Variants in ITGA11 observed in about 807,000 individuals in gnomAD.
ITGA11 encodes integrin alpha-11.
ITGA11 carries 97 observed loss-of-function variants against 141.9 expected under a neutral mutation model. The observed-to-expected ratio is 0.68, with a 90% CI of 0.58 to 0.81. The LOEUF (loss-of-function observed/expected upper bound fraction) is 0.81, where lower values mean the gene tolerates loss of function less well. ITGA11 is among the 30% of genes least tolerant of loss of function. The pLI is 0.00. For synonymous variants in ITGA11, 658 were observed against 624.6 expected (o/e 1.05, Z -0.80); for missense variants, 1,387 against 1,559.2 (o/e 0.89, Z 1.86).
In ITGA11 at chr15:68,328,505, C is replaced by A. The variant is rs1394261590; in HGVS notation, c.1902-243G>T. ...ATGGCCCCTCCATGCAGCCCCTCAG[C>A]ACTTTCCCCGAGGGGCTGTGCTCGC... On this transcript the variant is annotated intron_variant, in intron 15 of 29. Coordinates refer to ENST00000315757, the MANE Select transcript of ITGA11 (RefSeq NM_001004439.2). This position sits in a 1 kb window ranked among gnomAD's most constrained non-coding sequence, Gnocchi z 4.8. Among the ~76,000 whole-genome samples the A allele has an allele frequency of 1.3e-5, 2 of 152,188 alleles. No homozygotes were observed. The highest frequency in any genetic ancestry group is 2.9e-5 in the Non-Finnish European group (2 of 68,022).
chr15:68,364,399 C>T (rs1895348744), intron 4 of ITGA11, among the ~76,000 whole-genome samples: 2 of 152,222 alleles, frequency 1.3e-5, no homozygotes, highest in Admixed American at 1.3e-4. Context: ...TGGCTATCTA[C>T]ATTTATTCTT....
chr15:68,359,986 C>G (rs1298276069), intron 5 of ITGA11, among the ~76,000 whole-genome samples: 1 of 152,214 alleles, frequency 6.6e-6, no homozygotes, highest in Non-Finnish European at 1.5e-5. Context: ...GCTGAGCAGA[C>G]AGAGGAAGGT....
At chr15:68,310,017 G>A (rs1893329096) in intron 26 of ITGA11, among the ~76,000 whole-genome samples, 1 of 152,170 alleles carries the variant, frequency 6.6e-6, no homozygotes, top group African/African-American at 2.4e-5. Context: ...ACTGGAAGGT[G>A]GACGCCTAAT....
intron 1 of ITGA11, among the ~76,000 whole-genome samples, chr15:68,419,208 G>A (rs1338214257): frequency 1.3e-5 from 2 of 152,178 alleles, no homozygotes; most frequent in Non-Finnish European, 2.9e-5. Flanking sequence ...TGTTCTCTGA[G>A]GGTTATGCAG....
chr15:68,332,517 C>A (rs1392309898), intron 12 of ITGA11, 39 bp from the exon 13 acceptor site: 16 of 1,601,410 alleles, frequency 1.0e-5, no homozygotes, highest in Non-Finnish European at 1.3e-5. Context: ...GGCTGGCTGC[C>A]CAGCTCGCAC....
Position 68,319,731 on chromosome 15 carries a change from C to A in ITGA11, c.2616+454G>T, listed in dbSNP as rs1893726760. On this transcript the variant is annotated intron_variant, in intron 20 of 29. Transcript: ENST00000315757. The stretch of plus-strand genomic sequence containing the variant: ...TGGTGTGTGTGCCCCTAACCAGGGC[C>A]CAGGAGTCGGGCTGAAGGGTATTCC... Among the ~76,000 whole-genome samples the A allele has an allele frequency of 3.3e-5, 5 of 152,240 alleles. No individual in the cohort carries two copies. In the South Asian group the frequency reaches 1.0e-3, roughly 32 times the overall value.
intron 1 of ITGA11, among the ~76,000 whole-genome samples, chr15:68,417,126 C>A (rs1896907222): frequency 1.3e-5 from 2 of 152,092 alleles, no homozygotes; most frequent in Non-Finnish European, 2.9e-5. Context: ...TTTCACCCCA[C>A]CCAGCCCAGG....
chr15:68,418,155 T>G (rs1209053286), intron 1 of ITGA11, among the ~76,000 whole-genome samples: 1 of 152,212 alleles, frequency 6.6e-6, no homozygotes, highest in East Asian at 1.9e-4. Flanking sequence ...ATTCTTTCTA[T>G]CCCATCCCAA....
At chr15:68,369,318 G>T (rs1482586597) in intron 2 of ITGA11, 34 bp from the exon 3 acceptor site, 1 of 1,532,722 alleles carries the variant, frequency 6.5e-7, no homozygotes, top group South Asian at 1.1e-5. Flanking sequence ...AAAGACATTG[G>T]GGGAGGTACT....
chr15:68,412,668 C>CTTTT (rs71145169), intron 1 of ITGA11, among the ~76,000 whole-genome samples: 30 of 59,258 alleles, frequency 5.1e-4, no homozygotes, highest in African/African-American at 8.0e-4. Context: ...AACTTATTCG[C>CTTTT]TTTTTTTTTT....
intron 28 of ITGA11, among the ~76,000 whole-genome samples, chr15:68,306,730 C>G (rs1047492822): frequency 6.6e-6 from 1 of 152,220 alleles, no homozygotes; most frequent in Non-Finnish European, 1.5e-5. Context: ...CTGACCCCGC[C>G]TCTTTGCTCT....
rs1893815121 is a variant in ITGA11 at position 68,321,566 on chromosome 15, GT to G, written c.2323-64del. ...GGACCCGCAGCCCCTCGCCCTCAAT[GT>G]ACACCAGCTCTGTCTCCACCACACT... On this transcript the variant is annotated intron_variant, in intron 18 of 29. Coordinates refer to ENST00000315757, the MANE Select transcript of ITGA11 (RefSeq NM_001004439.2). The surrounding 1 kb of genome is among the most constrained non-coding windows in gnomAD (Gnocchi z 4.9). The G allele has an allele frequency of 9.5e-7, 1 of 1,051,482 alleles. No homozygotes were observed. The highest frequency in any genetic ancestry group is 1.6e-5 in the African/African-American group (1 of 60,794). 65.1% of individuals were successfully genotyped at this position (1,051,482 alleles called of 1,614,324 possible). A position where few individuals can be genotyped will look rare whatever the true frequency, so the allele number is the denominator to read the frequency against.
At chr15:68,327,581 G>A (rs1243510462) in intron 16 of ITGA11, among the ~76,000 whole-genome samples, 1 of 152,192 alleles carries the variant, frequency 6.6e-6, no homozygotes, top group Admixed American at 6.5e-5. Flanking sequence ...GACCACCTGG[G>A]GCCAGGGCTG....
In ITGA11 at chr15:68,304,613, T is replaced by C. The variant is rs1893130050; in HGVS notation, c.3382-728A>G. Among the ~76,000 whole-genome samples the C allele has an allele frequency of 6.6e-6, 1 of 152,198 alleles. No homozygotes were observed. Among genetic ancestry groups the C allele is most frequent in the Admixed American group, 6.5e-5 (1 of 15,286 alleles). Reference sequence around the variant, plus strand: ...TGCTCTCACATTTCTGTCGTCCGCCTGGATTCTCCGCTGAATTCCAGGCTC... The same window carrying C: ...TGCTCTCACATTTCTGTCGTCCGCCCGGATTCTCCGCTGAATTCCAGGCTC... On this transcript the variant is annotated intron_variant, in intron 28 of 29. Transcript: ENST00000315757. This position sits in a 1 kb window ranked among gnomAD's most constrained non-coding sequence, Gnocchi z 6.1.
rs1414664245 is a variant in ITGA11 at position 68,313,759 on chromosome 15, G to A, written c.2882+20C>T. On this transcript the variant is annotated intron_variant, in intron 23 of 29. Transcript: ENST00000315757. ...TTCCCCATGCCTTCCCTCTCCTGGG[G>A]CCCCCGGAGCCCGGCCCACCTGGTG... is the stretch of plus-strand genomic sequence containing the variant. 1 of 1,605,848 alleles carries A rather than the reference G, an allele frequency of 6.2e-7. No homozygotes were observed. The highest frequency in any genetic ancestry group is 1.3e-5 in the African/African-American group (1 of 74,720).
At position 68,313,072 on chromosome 15, in the gene ITGA11, C is replaced by G. The variant is rs374285849; in HGVS notation, c.2883-209G>C. Among the ~76,000 whole-genome samples, 16 of 152,296 alleles carry G rather than the reference C, an allele frequency of 1.1e-4. No individual in the cohort carries two copies. The South Asian group carries it at 2.7e-3, about 26-fold the overall frequency. ...TGCCATGGGTGAGCAATGTCTGCCT[C>G]CTGAGTGGGTGGGCGTGAGTCAGAA... is the stretch of plus-strand genomic sequence containing the variant. On this transcript the variant is annotated intron_variant, in intron 23 of 29. Transcript: ENST00000315757.
chr15:68,307,795 G>T lies in ITGA11; in HGVS notation c.3175-99C>A. 2.6e-6 allele frequency: 2 copies of T among 767,020 alleles called. No individual in the cohort carries two copies. The highest frequency in any genetic ancestry group is 2.6e-5 in the East Asian group (1 of 38,278). The allele number at this position is 767,020 out of a possible 1,614,324, so 47.5% of individuals were successfully genotyped here. The stretch of plus-strand genomic sequence containing the variant: ...ACTGGGGCTCTGCTCCTGGGGGCAG[G>T]GGCAGAGGACAGGGGACAAAGAGAA... On this transcript the variant is annotated intron_variant, in intron 26 of 29. Transcript: ENST00000315757. The surrounding 1 kb of genome is among the most constrained non-coding windows in gnomAD (Gnocchi z 6.1).
intron 12 of ITGA11, among the ~76,000 whole-genome samples, chr15:68,334,911 C>A (rs992184483): frequency 1.2e-4 from 18 of 152,228 alleles, no homozygotes; most frequent in African/African-American, 4.1e-4. Flanking sequence ...CTGGGATGGC[C>A]TGCACCCAAG....
intron 8 of ITGA11, 97 bp from the exon 9 acceptor site, chr15:68,350,879 G>A: frequency 7.9e-7 from 1 of 1,257,876 alleles, no homozygotes; most frequent in Non-Finnish European, 1.1e-6. Context: ...AGGGTGGGCT[G>A]GAGCCAGGGC....
Sources: gnomAD v4.1 joint callset for allele counts (sites outside exome capture counted in the v4.1 genomes callset) on GRCh38, gnomAD v4.1.1 for gene constraint, Gnocchi (gnomAD v3.1) non-coding constraint, MANE v1.5 for transcripts, NCBI Gene and HGNC (gene_info 2026-07-23, HGNC 2026-07-21) for gene names.